The following SLC17A6 variants were observed in gnomAD, a reference collection of about 807,000 sequenced individuals.
SLC17A6 encodes the protein vesicular glutamate transporter 2.
Under a neutral mutation model 67.1 loss-of-function variants are expected in SLC17A6, and 35 were observed. The observed-to-expected ratio is 0.52, with a 90% CI of 0.40 to 0.69. The LOEUF (loss-of-function observed/expected upper bound fraction) is 0.69, where lower values mean the gene tolerates loss of function less well. SLC17A6 is among the 30% of genes least tolerant of loss of function. The probability of loss-of-function intolerance (pLI) is 0.00; values close to 1 mark genes in which losing one functional copy is unlikely to be tolerated. For synonymous variants in SLC17A6, 285 were observed against 252.3 expected, an observed-to-expected ratio of 1.13 and a Z score of -1.23; for missense variants, 588 against 723.9, an observed-to-expected ratio of 0.81 and a Z score of 2.15.
chr11:22,354,767 T>G (rs1029931838), intron 3 of SLC17A6, among the ~76,000 whole-genome samples: 3 of 152,216 alleles, frequency 2.0e-5, no homozygotes, highest in Non-Finnish European at 4.4e-5. Context: ...GCAAGTTATT[T>G]TTACTCACTC....
intron 3 of SLC17A6, among the ~76,000 whole-genome samples, chr11:22,356,492 A>C (rs1855994452): frequency 6.6e-6 from 1 of 152,148 alleles, no homozygotes; most frequent in Non-Finnish European, 1.5e-5. Flanking sequence ...AGGGAATTCA[A>C]TGGATTTTGA....
chr11:22,368,809 C>T (rs902877959), intron 7 of SLC17A6, among the ~76,000 whole-genome samples: 1 of 151,988 alleles, frequency 6.6e-6, no homozygotes, highest in Non-Finnish European at 1.5e-5. Context: ...ACTTTTGGAA[C>T]CCATTTATGA....
chr11:22,374,731 C>A (rs2133878773), intron 8 of SLC17A6, 24 bp from the exon 9 acceptor site: 3 of 1,565,220 alleles, frequency 1.9e-6, no homozygotes, highest in African/African-American at 1.4e-5. Context: ...ATGTCTATTT[C>A]TCTCCCTTCT....
In SLC17A6 at chr11:22,378,291, T is replaced by C. The variant is rs1280594754; in HGVS notation, c.*551T>C. The C allele has an allele frequency of 1.3e-5, 2 of 152,902 alleles. No individual in the cohort carries two copies. The allele number at this position is 152,902 out of a possible 1,614,324, so 9.5% of individuals were successfully genotyped here. A position where few individuals can be genotyped will look rare whatever the true frequency, so the allele number is the denominator to read the frequency against. The stretch of plus-strand genomic sequence containing the variant: ...ATTAGAATTGCATAATGTGAGATAT[T>C]TTGTTAGTCCTCAAAAGGAATATCT... On this transcript the variant is annotated 3_prime_UTR_variant, in exon 12 of 12. Transcript: ENST00000263160.
At position 22,365,591 on chromosome 11, in the gene SLC17A6, T is replaced by C. The variant is rs779118200; in HGVS notation, c.793T>C (p.Tyr265His). The change falls in exon 7 of 12, where the codon TAT (tyrosine) becomes CAT (histidine). Residue 265 changes from tyrosine (Y) to histidine (H), a missense_variant. Transcript: ENST00000263160. ...GTACATGTTTTGGCTTTTGGTGTCT[T>C]ATGAAAGTCCTGCAAAGCATCCTAC... The part of the protein sequence containing the change: ...VWYMFWLLVS[Y>H]ESPAKHPTIT... 1 of 1,614,044 alleles carries C rather than the reference T, an allele frequency of 6.2e-7. No individual in the cohort carries two copies.
Position 22,376,632 on chromosome 11 carries a change from T to C in SLC17A6, c.1373T>C (p.Met458Thr). ...AATGGTGTTGGCACATTGTCAGGAATGGTTTGTCCTATCATTGTTGGTGCA... is the reference window on the plus strand; with the variant it reads ...AATGGTGTTGGCACATTGTCAGGAACGGTTTGTCCTATCATTGTTGGTGCA... ...ISNGVGTLSG[M>T]VCPIIVGAMT... is the part of the protein sequence containing the mutation. The change falls in exon 11 of 12, where the codon ATG (methionine) becomes ACG (threonine). Residue 458 changes from methionine to threonine, a missense_variant. This residue lies in a region of SLC17A6 where 414 missense variants were observed against 563.4 expected (regional missense o/e 0.73). Transcript: ENST00000263160. 1.2e-6 allele frequency: 2 copies of C among 1,614,014 alleles called. No homozygotes were observed. Among genetic ancestry groups the C allele is most frequent in the East Asian group, 2.2e-5 (1 of 44,830 alleles).
intron 1 of SLC17A6, among the ~76,000 whole-genome samples, chr11:22,339,093 ATATATATATGT>A (rs1241044989): frequency 0.19 from 17,230 of 89,884 alleles, 2,424 homozygotes; most frequent in Non-Finnish European, 0.23. Context: ...TATATATGTT[ATATATATATGT>A]TATATATATA....
intron 7 of SLC17A6, among the ~76,000 whole-genome samples, chr11:22,366,557 T>C (rs544283586): frequency 1.3e-5 from 2 of 152,318 alleles, no homozygotes; most frequent in South Asian, 4.1e-4. Context: ...GTGAAGCCCT[T>C]TTTTCTGATG....
intron 9 of SLC17A6, among the ~76,000 whole-genome samples, chr11:22,375,403 A>C (rs550496086): frequency 6.6e-6 from 1 of 151,962 alleles, no homozygotes; most frequent in Non-Finnish European, 1.5e-5. Context: ...ATAAATAATA[A>C]TGCCATTTGT....
intron 2 of SLC17A6, chr11:22,342,917 A>G: frequency 2.1e-6 from 1 of 480,886 alleles, no homozygotes; most frequent in South Asian, 1.5e-5. Context: ...CATCTGGCTA[A>G]CAAATCTCTT....
intron 2 of SLC17A6, 89 bp downstream of exon 2, chr11:22,341,869 C>T: frequency 6.5e-7 from 1 of 1,533,508 alleles, no homozygotes. Context: ...GTTCCCCCGC[C>T]ACTGAGAGGA....
chr11:22,367,356 A>T (rs1470145623), intron 7 of SLC17A6, among the ~76,000 whole-genome samples: 1 of 152,100 alleles, frequency 6.6e-6, no homozygotes, highest in Non-Finnish European at 1.5e-5. Context: ...ATCCCATATC[A>T]TATATAATTC....
chr11:22,374,190 C>A (rs1273203706), intron 8 of SLC17A6, among the ~76,000 whole-genome samples: 1 of 151,846 alleles, frequency 6.6e-6, no homozygotes, highest in African/African-American at 2.4e-5. Context: ...AAACTATATG[C>A]CACCATACAA....
intron 7 of SLC17A6, among the ~76,000 whole-genome samples, chr11:22,366,424 A>G (rs1008568081): frequency 6.6e-6 from 1 of 152,240 alleles, no homozygotes; most frequent in African/African-American, 2.4e-5. Context: ...CTGAAGCATT[A>G]GAATGCCAAT....
chr11:22,359,316 T>A, intron 3 of SLC17A6, 97 bp from the exon 4 acceptor site: 2 of 638,416 alleles, frequency 3.1e-6, no homozygotes, highest in South Asian at 1.1e-4. Context: ...GGCGATTTTT[T>A]TATTACTTTA....
At chr11:22,340,664 G>A (rs1203435929) in intron 1 of SLC17A6, among the ~76,000 whole-genome samples, 3 of 152,094 alleles carry the variant, frequency 2.0e-5, no homozygotes, top group Non-Finnish European at 4.4e-5. Context: ...TAGTAATGAC[G>A]CAAGATTGTG....
At chr11:22,362,603 A>G in intron 5 of SLC17A6, 136 bp from the exon 6 acceptor site, 1 of 676,942 alleles carries the variant, frequency 1.5e-6, no homozygotes, top group Non-Finnish European at 2.7e-6. Context: ...TTGGTGATGG[A>G]GGGTATGTGC....
At chr11:22,370,006 A>G (rs902546210) in intron 7 of SLC17A6, 33 bp from the exon 8 acceptor site, 1 of 1,590,708 alleles carries the variant, frequency 6.3e-7, no homozygotes, top group Non-Finnish European at 8.5e-7. Context: ...AATATTTAAA[A>G]TGGTCATAAT....
At chr11:22,373,419 A>G (rs1421950925) in intron 8 of SLC17A6, among the ~76,000 whole-genome samples, 7 of 152,086 alleles carry the variant, frequency 4.6e-5, no homozygotes, top group African/African-American at 1.7e-4. Flanking sequence ...AAGAATAAAA[A>G]GCCTTGTACT....
Sources: gnomAD v4.1 joint callset for allele counts (sites outside exome capture counted in the v4.1 genomes callset) on GRCh38, gnomAD v4.1.1 for gene constraint, gnomAD v4.1.1 regional missense constraint, MANE v1.5 for transcripts, NCBI Gene and HGNC (gene_info 2026-07-23, HGNC 2026-07-21) for gene names.